Variants in TFAP2A observed in about 807,000 individuals in gnomAD.
TFAP2A encodes the protein transcription factor AP-2-alpha.
Under a neutral mutation model 41.5 loss-of-function variants are expected in TFAP2A, and 7 were observed. That is an observed-to-expected ratio of 0.17 (90% CI 0.10 to 0.32). The LOEUF (loss-of-function observed/expected upper bound fraction) is 0.32, where lower values mean the gene tolerates loss of function less well. TFAP2A is among the 10% of genes least tolerant of loss of function. TFAP2A has a pLI of 1.00. For missense variants in TFAP2A, 416 were observed against 563.3 expected (o/e 0.74, Z 2.65); for synonymous variants, 247 against 242.8 (o/e 1.02, Z -0.16).
chr6:10,410,374 C>G (rs1181458200), intron 1 of TFAP2A, 39 bp from the exon 2 acceptor site: 1 of 1,565,626 alleles, frequency 6.4e-7, no homozygotes, highest in African/African-American at 1.4e-5. Flanking sequence ...AACAAGGAAT[C>G]AGGCGTCGAG....
chr6:10,416,228 G>A (rs533852851), upstream of TFAP2A: 2 of 152,294 alleles, frequency 1.3e-5, 1 homozygote, highest in Admixed American at 1.3e-4. Context: ...AATTAAAGCA[G>A]GGAGAGTTCC....
intron 3 of TFAP2A, chr6:10,406,028 T>A (rs1395660942): frequency 6.6e-6 from 1 of 152,198 alleles, no homozygotes; most frequent in Non-Finnish European, 1.5e-5. Context: ...TGATTGGGGT[T>A]AGAAATGAGA....
At chr6:10,415,175 CGAGGAG>C (rs932823331), upstream of TFAP2A, 10 of 1,475,684 alleles carry the variant, frequency 6.8e-6, no homozygotes, top group Non-Finnish European at 8.1e-6. Context: ...AAGAGGAGGG[CGAGGAG>C]GAGGAGGAGG....
intron 1 of TFAP2A, among the ~76,000 whole-genome samples, chr6:10,413,140 C>A (rs1758074429): frequency 6.6e-6 from 1 of 152,252 alleles, no homozygotes; most frequent in Non-Finnish European, 1.5e-5. Context: ...ACCTCGCCTC[C>A]TGCGTGTCCC....
Position 10,400,507 on chromosome 6 carries a change from G to A in TFAP2A, c.972C>T (p.Asn324=). The A allele has an allele frequency of 6.2e-7, 1 of 1,614,158 alleles. No homozygotes were observed. Among genetic ancestry groups the A allele is most frequent in the Non-Finnish European group, 8.5e-7 (1 of 1,180,024 alleles). The change falls in exon 6 of 7, where the codon AAC becomes AAT. Residue 324 remains asparagine, a synonymous_variant. Transcript: ENST00000379613. The part of the protein sequence containing the change: ...FPAKAVAEFL[N]RQHSDPNEQV... ...GCTCATTGGGATCGGAATGTTGTCG[G>A]TTGAGAAATTCAGCTACTGCTTTGG...
At chr6:10,409,645 T>G in intron 2 of TFAP2A, 2 of 510,336 alleles carry the variant, frequency 3.9e-6, no homozygotes, top group Non-Finnish European at 7.1e-6. Flanking sequence ...ATTCGTCTGA[T>G]TTATCTGTGT....
chr6:10,401,414 GA>G (rs1762001180), intron 5 of TFAP2A, among the ~76,000 whole-genome samples: 2 of 152,174 alleles, frequency 1.3e-5, no homozygotes, highest in African/African-American at 4.8e-5. Context: ...TACTGTAGTT[GA>G]GTTTCTGGCA....
In TFAP2A at chr6:10,400,599, G is replaced by A. The variant is rs201181975; in HGVS notation, c.890-10C>T. ...AGGTGGACAGCTTCTCCTGGCAAGA[G>A]GGGAGAGGAGGGAGCCAGTGCGAGA... On this transcript the variant is annotated splice_polypyrimidine_tract_variant and intron_variant, in intron 5 of 6. Coordinates refer to ENST00000379613, the MANE Select transcript of TFAP2A (RefSeq NM_001372066.1). 6 of 1,614,072 alleles carry A rather than the reference G, an allele frequency of 3.7e-6. No homozygotes were observed. Among genetic ancestry groups the A allele is most frequent in the Non-Finnish European group, 4.2e-6 (5 of 1,180,036 alleles).
At chr6:10,417,457 A>G (rs372513423), upstream of TFAP2A, among the ~76,000 whole-genome samples, 9 of 152,310 alleles carry the variant, frequency 5.9e-5, no homozygotes, top group East Asian at 1.2e-3. Flanking sequence ...GAGCCAGCCG[A>G]GCTGCATTTA....
At chr6:10,419,451 C>A, upstream of TFAP2A, 1 of 1,614,100 alleles carries the variant, frequency 6.2e-7, no homozygotes, top group South Asian at 1.1e-5. Context: ...GTATGGACAT[C>A]GCGGCTCTGC....
chr6:10,410,556 T>C (rs1757917896), intron 1 of TFAP2A, among the ~76,000 whole-genome samples: 1 of 152,086 alleles, frequency 6.6e-6, no homozygotes. Context: ...CAAGAGACTA[T>C]TTAGGGGTTT....
At chr6:10,408,618 G>A (rs562347596) in intron 2 of TFAP2A, among the ~76,000 whole-genome samples, 2 of 152,304 alleles carry the variant, frequency 1.3e-5, no homozygotes, top group African/African-American at 4.8e-5. Context: ...AAACATGTAA[G>A]TATGAACACA....
At chr6:10,415,235 C>T (rs904781772), upstream of TFAP2A, 26 of 1,454,000 alleles carry the variant, frequency 1.8e-5, no homozygotes, top group Non-Finnish European at 2.4e-5. Context: ...AAAGAGCTCC[C>T]GTGTGCGCTC....
upstream of TFAP2A, among the ~76,000 whole-genome samples, chr6:10,416,615 C>T (rs562345868): frequency 4.6e-5 from 7 of 152,316 alleles, no homozygotes; most frequent in East Asian, 1.4e-3. Flanking sequence ...ACCTTTGATT[C>T]ATCTGGGCTT....
upstream of TFAP2A, among the ~76,000 whole-genome samples, chr6:10,419,081 T>C (rs1022816752): frequency 1.4e-4 from 22 of 151,738 alleles, no homozygotes; most frequent in African/African-American, 5.3e-4. Flanking sequence ...TTAGTCATCC[T>C]CCCAAGTTTC....
At chr6:10,415,347 G>T, upstream of TFAP2A, 2 of 1,169,020 alleles carry the variant, frequency 1.7e-6, no homozygotes, top group South Asian at 3.3e-5. Context: ...TTGCTCGCCA[G>T]TACCACAATC....
chr6:10,417,113 G>T, upstream of TFAP2A: 1 of 152,538 alleles, frequency 6.6e-6, no homozygotes, highest in Non-Finnish European at 1.5e-5. Context: ...AGCCTGAGCA[G>T]GCCAAACCCT....
At position 10,398,749 on chromosome 6, in the gene TFAP2A, A is replaced by C. The variant is rs303048; in HGVS notation, c.1032-44T>G. ...AGAGAGAGAGACATAAGGCTCCACT[A>C]TGGGCAGCACTAGCAGCAAAGAGAA... On this transcript the variant is annotated intron_variant, in intron 6 of 6. Coordinates refer to ENST00000379613, the MANE Select transcript of TFAP2A (RefSeq NM_001372066.1). The surrounding 1 kb of genome is among the most constrained non-coding windows in gnomAD (Gnocchi z 5.3). The C allele has an allele frequency of 2.5e-6, 4 of 1,607,224 alleles. No homozygotes were observed. The highest frequency in any genetic ancestry group is 3.4e-6 in the Non-Finnish European group (4 of 1,175,688).
At chr6:10,410,587 T>C (rs1163896726) in intron 1 of TFAP2A, among the ~76,000 whole-genome samples, 1 of 152,098 alleles carries the variant, frequency 6.6e-6, no homozygotes, top group Non-Finnish European at 1.5e-5. Context: ...GAGGAAAAGA[T>C]AGAAAAGGGT....
Sources: gnomAD v4.1 joint callset for allele counts (sites outside exome capture counted in the v4.1 genomes callset) on GRCh38, gnomAD v4.1.1 for gene constraint, Gnocchi (gnomAD v3.1) non-coding constraint, MANE v1.5 for transcripts, NCBI Gene and HGNC (gene_info 2026-07-23, HGNC 2026-07-21) for gene names.